The following UCHL3 variants were observed in gnomAD, a reference collection of about 807,000 sequenced individuals.
The protein encoded by UCHL3 is ubiquitin carboxyl-terminal hydrolase isozyme L3.
A neutral mutation model predicts 35.8 loss-of-function variants in UCHL3; 22 were observed. That is an observed-to-expected ratio of 0.61 (90% CI 0.44 to 0.88). The LOEUF is 0.88. Among genes scored for constraint, UCHL3 ranks in the 40% least tolerant of loss-of-function variants. UCHL3 has a pLI of 0.00. For synonymous variants in UCHL3, 90 were observed against 92.8 expected (o/e 0.97, Z 0.17); for missense variants, 229 against 276.9 (o/e 0.83, Z 1.23).
chr13:75,576,376 C>T (rs1278290930), intron 6 of UCHL3, among the ~76,000 whole-genome samples: 4 of 152,056 alleles, frequency 2.6e-5, no homozygotes, highest in African/African-American at 4.8e-5. Context: ...ACTACAGGCA[C>T]GTGCCACCAC....
intron 6 of UCHL3, among the ~76,000 whole-genome samples, chr13:75,586,052 A>G (rs1324951956): frequency 6.6e-6 from 1 of 152,128 alleles, no homozygotes; most frequent in African/African-American, 2.4e-5. Flanking sequence ...TCAAATGTCT[A>G]TAAACCCTCA....
At chr13:75,567,662 C>T (rs1263847790) in intron 5 of UCHL3, among the ~76,000 whole-genome samples, 1 of 151,980 alleles carries the variant, frequency 6.6e-6, no homozygotes, top group Admixed American at 6.6e-5. Flanking sequence ...ATTCTTGTGC[C>T]TCAGCCTCCC....
At chr13:75,595,744 A>G (rs2032630589) in intron 7 of UCHL3, among the ~76,000 whole-genome samples, 1 of 150,508 alleles carries the variant, frequency 6.6e-6, no homozygotes, top group South Asian at 2.1e-4. Flanking sequence ...CATATGTCAG[A>G]GTACCCATGA....
chr13:75,583,091 G>A (rs549782684), intron 6 of UCHL3, among the ~76,000 whole-genome samples: 115 of 152,244 alleles, frequency 7.6e-4, no homozygotes, highest in African/African-American at 2.6e-3. Context: ...TAAAAATTTA[G>A]AATTATTGAT....
At chr13:75,569,614 T>C (rs1438744335) in intron 6 of UCHL3, 107 bp downstream of exon 6, 4 of 1,058,350 alleles carry the variant, frequency 3.8e-6, no homozygotes, top group African/African-American at 1.6e-5. Flanking sequence ...TTTTAGAAAG[T>C]TACTTGGCTT....
At chr13:75,592,668 G>A (rs2032544438) in intron 6 of UCHL3, among the ~76,000 whole-genome samples, 3 of 151,184 alleles carry the variant, frequency 2.0e-5, no homozygotes, top group Non-Finnish European at 4.4e-5. Flanking sequence ...GAAGGAAAGG[G>A]CTTATCACAG....
intron 3 of UCHL3, among the ~76,000 whole-genome samples, chr13:75,565,303 C>T (rs183625441): frequency 6.0e-4 from 92 of 152,200 alleles, no homozygotes; most frequent in African/African-American, 1.9e-3. Context: ...TGAACCTTTC[C>T]AGTTTTTTAT....
chr13:75,551,430 CAAA>C (rs56723936), intron 2 of UCHL3, among the ~76,000 whole-genome samples: 7 of 86,120 alleles, frequency 8.1e-5, no homozygotes, highest in Non-Finnish European at 1.2e-4. Flanking sequence ...GACTCTGTCT[CAAA>C]AAAAAAAAAA....
chr13:75,567,175 G>A (rs1334175697), intron 4 of UCHL3, 52 bp from the exon 5 acceptor site: 2 of 1,491,652 alleles, frequency 1.3e-6, no homozygotes, highest in African/African-American at 2.8e-5. Flanking sequence ...TCATATATTG[G>A]TCTCTCTGCT....
chr13:75,549,954 G>A (rs751810421), intron 1 of UCHL3, 22 bp from the exon 2 acceptor site: 2 of 1,614,236 alleles, frequency 1.2e-6, no homozygotes, highest in Non-Finnish European at 1.7e-6. Context: ...TCTCTAAAGC[G>A]TGTTCTCTGT....
rs772354880 is a variant in UCHL3 at position 75,560,833 on chromosome 13, A to G, written c.135A>G (p.Val45=). The change falls in exon 3 of 9, where the codon GTA becomes GTG. Residue 45 remains valine (V), a synonymous_variant. Coordinates refer to ENST00000377595, the MANE Select transcript of UCHL3 (RefSeq NM_006002.5). ...TGGATCCTGAACTCCTTAGCATGGT[A>G]CCAAGACCAGTCTGTGCAGTCTTAC... ...YGMDPELLSM[V]PRPVCAVLLL... 2.6e-6 allele frequency: 4 copies of G among 1,565,522 alleles called. No homozygotes were observed. The highest frequency in any genetic ancestry group is 3.4e-6 in the Non-Finnish European group (4 of 1,163,538).
intron 7 of UCHL3, 67 bp downstream of exon 7, chr13:75,595,057 A>T: frequency 8.4e-7 from 1 of 1,194,638 alleles, no homozygotes; most frequent in Non-Finnish European, 1.2e-6. Flanking sequence ...CTTATGATAA[A>T]CAGGACTATT....
At chr13:75,587,726 AG>A (rs1174261891) in intron 6 of UCHL3, among the ~76,000 whole-genome samples, 2 of 152,208 alleles carry the variant, frequency 1.3e-5, no homozygotes, top group Non-Finnish European at 2.9e-5. Context: ...GTTTTCAAAA[AG>A]GTTCTTCAAA....
intron 2 of UCHL3, among the ~76,000 whole-genome samples, chr13:75,550,418 C>CGT (rs1183965054): frequency 1.3e-5 from 2 of 152,294 alleles, no homozygotes; most frequent in Admixed American, 1.3e-4. Context: ...TTTCATCCAC[C>CGT]GCCTGCACTA....
intron 6 of UCHL3, among the ~76,000 whole-genome samples, chr13:75,573,372 C>T (rs2031922749): frequency 6.6e-6 from 1 of 151,240 alleles, no homozygotes; most frequent in African/African-American, 2.4e-5. Flanking sequence ...ATTTTTTTGT[C>T]AGTTCCTACA....
At chr13:75,566,612 C>T in intron 3 of UCHL3, 83 bp from the exon 4 acceptor site, 7 of 811,820 alleles carry the variant, frequency 8.6e-6, no homozygotes, top group Non-Finnish European at 1.0e-5. Flanking sequence ...TATTTTTTAT[C>T]ATTTGCATTT....
At chr13:75,582,528 T>G (rs1373511251) in intron 6 of UCHL3, among the ~76,000 whole-genome samples, 1 of 152,160 alleles carries the variant, frequency 6.6e-6, no homozygotes, top group East Asian at 1.9e-4. Flanking sequence ...TAATTGTTAG[T>G]GATTTTGGAC....
At position 75,559,282 on chromosome 13, in the gene UCHL3, C is replaced by T. The variant is rs533192329; in HGVS notation, c.55-1471C>T. ...GTCTCGATCTCCTGACCTCGTGATC[C>T]ACCCGCCTCGGCCTCCCAGAGTGCT... On this transcript the variant is annotated intron_variant, in intron 2 of 8. Coordinates refer to ENST00000377595, the MANE Select transcript of UCHL3 (RefSeq NM_006002.5). Among the ~76,000 whole-genome samples the T allele has an allele frequency of 1.0e-4, 15 of 149,020 alleles. No individual in the cohort carries two copies. The South Asian group carries it at 3.0e-3, about 30-fold the overall frequency.
intron 7 of UCHL3, among the ~76,000 whole-genome samples, chr13:75,601,810 A>T (rs1340672348): frequency 6.6e-6 from 1 of 152,160 alleles, no homozygotes; most frequent in Non-Finnish European, 1.5e-5. Context: ...TACATTTTTA[A>T]AAAGTTTTTA....
Sources: allele counts gnomAD v4.1 joint callset (sites outside exome capture counted in the v4.1 genomes callset), GRCh38; gene constraint gnomAD v4.1.1; transcripts MANE v1.5; gene names NCBI Gene and HGNC (gene_info 2026-07-23, HGNC 2026-07-21).